The following TENM4 variants were observed in gnomAD, a reference collection of about 807,000 sequenced individuals.
TENM4 encodes the protein teneurin transmembrane protein 4.
A neutral mutation model predicts 243.3 loss-of-function variants in TENM4; 82 were observed. The observed-to-expected ratio is 0.34, with a 90% CI of 0.28 to 0.40. TENM4 has a LOEUF of 0.40. Ranked by LOEUF, TENM4 falls within the 10% of genes least tolerant of loss-of-function variation. The pLI is 1.00. For missense variants in TENM4, 3,138 were observed against 3,673.3 expected, an observed-to-expected ratio of 0.85 and a Z score of 3.77; for synonymous variants, 1,412 against 1,456.3, an observed-to-expected ratio of 0.97 and a Z score of 0.69.
intron 4 of TENM4, among the ~76,000 whole-genome samples, chr11:79,085,081 G>C (rs1860772520): frequency 6.6e-6 from 1 of 152,084 alleles, no homozygotes; most frequent in African/African-American, 2.4e-5. Flanking sequence ...TAGAGAAAAG[G>C]GTTTTTTTTG....
chr11:79,170,452 T>C (rs148302038), intron 3 of TENM4, among the ~76,000 whole-genome samples: 28 of 152,330 alleles, frequency 1.8e-4, no homozygotes, highest in African/African-American at 6.7e-4. Context: ...GTGACCTTAT[T>C]TGGAAACAGG....
chr11:79,248,287 A>G (rs1855554421), intron 2 of TENM4, among the ~76,000 whole-genome samples: 2 of 152,168 alleles, frequency 1.3e-5, no homozygotes, highest in African/African-American at 4.8e-5. Flanking sequence ...ATGATTCAGG[A>G]GTTAGAAAAG....
At chr11:79,266,555 AG>A (rs1376353582) in intron 2 of TENM4, among the ~76,000 whole-genome samples, 1 of 151,850 alleles carries the variant, frequency 6.6e-6, no homozygotes, top group Non-Finnish European at 1.5e-5. Flanking sequence ...TGGTGTCAGT[AG>A]GCCCTTATCT....
In TENM4 at chr11:79,439,940, C is replaced by A. The variant is rs568774520; in HGVS notation, c.-321+569G>T. ...CGGCCGGGCGCCCGGTGAGGAGAGG[C>A]GGGCGCCCCGCGGGTTGCAGAGGGC... On this transcript the variant is annotated intron_variant, in intron 1 of 33. Transcript: ENST00000278550. 3.4e-4 allele frequency among the ~76,000 whole-genome samples: 51 copies of A among 152,054 alleles called. No homozygotes were observed. In the East Asian group the frequency reaches 9.6e-3, roughly 29 times the overall value.
chr11:78,688,304 C>T, intron 28 of TENM4, 78 bp from the exon 29 acceptor site: 3 of 1,486,754 alleles, frequency 2.0e-6, no homozygotes, highest in Non-Finnish European at 2.7e-6. Context: ...CTACCTCATG[C>T]CATGGTTTTG....
intron 1 of TENM4, among the ~76,000 whole-genome samples, chr11:79,335,801 C>A (rs1292772801): frequency 6.6e-6 from 1 of 152,160 alleles, no homozygotes; most frequent in Non-Finnish European, 1.5e-5. Flanking sequence ...GTTATAGGAG[C>A]CCGCAGCTTG....
chr11:79,088,535 T>C (rs917119098), intron 4 of TENM4, among the ~76,000 whole-genome samples: 2 of 152,322 alleles, frequency 1.3e-5, no homozygotes, highest in Admixed American at 6.5e-5. Context: ...TATTCCTCTA[T>C]ATCATCTTTG....
intron 28 of TENM4, among the ~76,000 whole-genome samples, chr11:78,700,041 T>C (rs185134610): frequency 1.6e-3 from 245 of 152,338 alleles, no homozygotes; most frequent in African/African-American, 5.7e-3. Context: ...AGAAAGGAAT[T>C]TAGCCAGTGA....
chr11:78,655,996 C>T lies in TENM4; in HGVS notation c.*2062G>A, dbSNP rs569223923. The T allele has an allele frequency of 1.3e-5, 2 of 152,324 alleles. No individual in the cohort carries two copies. The highest frequency in any genetic ancestry group is 1.5e-5 in the Non-Finnish European group (1 of 68,070). The allele number at this position is 152,324 out of a possible 1,614,324, so 9.4% of individuals were successfully genotyped here. On this transcript the variant is annotated 3_prime_UTR_variant, in exon 34 of 34. Coordinates refer to ENST00000278550, the MANE Select transcript of TENM4 (RefSeq NM_001098816.3). ...CAACCAGTGGACAAGCAGGCCAAAG[C>T]GCACTGCTGCAGCAGGGTGGCTTTT...
intron 7 of TENM4, among the ~76,000 whole-genome samples, chr11:78,901,874 A>G (rs950565422): frequency 2.0e-5 from 3 of 152,194 alleles, no homozygotes; most frequent in Non-Finnish European, 2.9e-5. Context: ...CTGCATCTCT[A>G]AGAATTTTGC....
chr11:78,929,166 T>C (rs1856617426), intron 6 of TENM4, among the ~76,000 whole-genome samples: 1 of 152,172 alleles, frequency 6.6e-6, no homozygotes, highest in Non-Finnish European at 1.5e-5. Flanking sequence ...TCTGGACCCA[T>C]CAAAAGTTGC....
At chr11:79,216,511 C>G (rs1450702341) in intron 2 of TENM4, among the ~76,000 whole-genome samples, 1 of 152,156 alleles carries the variant, frequency 6.6e-6, no homozygotes, top group Non-Finnish European at 1.5e-5. Flanking sequence ...GTGTTGGAAC[C>G]TAAATTCCTC....
chr11:79,015,103 A>C lies in TENM4; in HGVS notation c.493+49635T>G, dbSNP rs11824760. Among the ~76,000 whole-genome samples, 211 of 152,358 alleles carry C rather than the reference A, an allele frequency of 1.4e-3. 2 individuals carry two copies. The highest frequency in any genetic ancestry group is 4.6e-3 in the African/African-American group (192 of 41,588). ...ATTGGGAAAAAAAGTCTCTGTAAGA[A>C]GTGCAGCACAGTAATGATGCTAGTG... is the stretch of plus-strand genomic sequence containing the variant. On this transcript the variant is annotated intron_variant, in intron 6 of 33. Coordinates refer to ENST00000278550, the MANE Select transcript of TENM4 (RefSeq NM_001098816.3).
At chr11:79,370,943 A>G (rs1173717581) in intron 1 of TENM4, among the ~76,000 whole-genome samples, 1 of 152,206 alleles carries the variant, frequency 6.6e-6, no homozygotes, top group Non-Finnish European at 1.5e-5. Context: ...ACTCCTTCCA[A>G]TTGACAAGAA....
chr11:78,884,643 G>T (rs1855510556), intron 9 of TENM4, among the ~76,000 whole-genome samples: 1 of 152,198 alleles, frequency 6.6e-6, no homozygotes, highest in Admixed American at 6.5e-5. Context: ...TGTGGTGAGG[G>T]TCCAGAGAAA....
chr11:79,066,262 G>A (rs1177186128), intron 5 of TENM4, among the ~76,000 whole-genome samples: 1 of 152,222 alleles, frequency 6.6e-6, no homozygotes, highest in Non-Finnish European at 1.5e-5. Flanking sequence ...GGTTTGCGAT[G>A]AGAGTGAATG....
intron 4 of TENM4, among the ~76,000 whole-genome samples, chr11:79,131,302 G>C (rs1484270116): frequency 6.6e-6 from 1 of 152,166 alleles, no homozygotes; most frequent in African/African-American, 2.4e-5. Context: ...ACCTATAAGG[G>C]AAAATCTATC....
chr11:78,790,574 G>A (rs1417940380), intron 15 of TENM4, among the ~76,000 whole-genome samples: 2 of 152,236 alleles, frequency 1.3e-5, no homozygotes, highest in African/African-American at 4.8e-5. Flanking sequence ...TCTTAGTGGT[G>A]TGGGTACTGA....
intron 1 of TENM4, among the ~76,000 whole-genome samples, chr11:79,320,012 C>G (rs1005681760): frequency 1.3e-5 from 2 of 152,170 alleles, no homozygotes; most frequent in African/African-American, 4.8e-5. Flanking sequence ...TCTCACCTAC[C>G]TTCTACTGCA....
Sources: gnomAD v4.1 joint callset for allele counts (sites outside exome capture counted in the v4.1 genomes callset) on GRCh38, gnomAD v4.1.1 for gene constraint, MANE v1.5 for transcripts, NCBI Gene and HGNC (gene_info 2026-07-23, HGNC 2026-07-21) for gene names.